MGAT4C: variants seen among roughly 807,000 people sequenced by gnomAD.
MGAT4C encodes the protein MGAT4 family member C.
A neutral mutation model predicts 40.1 loss-of-function variants in MGAT4C; 19 were observed. That is an observed-to-expected ratio of 0.47 (90% confidence interval 0.33 to 0.70). The LOEUF (loss-of-function observed/expected upper bound fraction) is 0.70, where lower values mean the gene tolerates loss of function less well. Among genes scored for constraint, MGAT4C ranks in the 30% least tolerant of loss-of-function variants. The probability of loss-of-function intolerance (pLI) is 0.02; values close to 1 mark genes in which losing one functional copy is unlikely to be tolerated. For synonymous variants in MGAT4C, 181 were observed against 187.1 expected (o/e 0.97, Z 0.27); for missense variants, 491 against 563.2 (o/e 0.87, Z 1.30).
chr12:86,774,499 T>C (rs1259560029), intron 1 of MGAT4C, among the ~76,000 whole-genome samples: 1 of 151,638 alleles, frequency 6.6e-6, no homozygotes, highest in Non-Finnish European at 1.5e-5. Flanking sequence ...ATATTCGATA[T>C]ATTTCTTTGA....
chr12:86,577,406 A>C (rs1477799387), intron 2 of MGAT4C, among the ~76,000 whole-genome samples: 3 of 151,802 alleles, frequency 2.0e-5, no homozygotes, highest in Admixed American at 6.6e-5. Flanking sequence ...AAAAGCTTTC[A>C]GTTTTTCCCC....
intron 1 of MGAT4C, among the ~76,000 whole-genome samples, chr12:86,749,874 G>T (rs552015479): frequency 1.3e-5 from 2 of 151,892 alleles, no homozygotes; most frequent in Admixed American, 1.3e-4. Context: ...TAGGCACTGA[G>T]AATATAGATT....
intron 4 of MGAT4C, among the ~76,000 whole-genome samples, chr12:86,333,709 T>A (rs1368879754): frequency 6.6e-6 from 1 of 152,158 alleles, no homozygotes; most frequent in Non-Finnish European, 1.5e-5. Flanking sequence ...CAGAGATTTT[T>A]AAATTATGTT....
intron 2 of MGAT4C, among the ~76,000 whole-genome samples, chr12:86,594,354 A>G (rs1399426255): frequency 6.6e-6 from 1 of 152,158 alleles, no homozygotes; most frequent in Non-Finnish European, 1.5e-5. Context: ...ATTTAAAAAA[A>G]TAAGTGTTTC....
intron 4 of MGAT4C, among the ~76,000 whole-genome samples, chr12:86,323,964 G>A (rs1205307797): frequency 6.6e-6 from 1 of 151,870 alleles, no homozygotes; most frequent in Non-Finnish European, 1.5e-5. Context: ...TATGGACTAT[G>A]TATTCTTATA....
chr12:86,198,143 T>C (rs990006726), intron 1 of MGAT4C, among the ~76,000 whole-genome samples: 1 of 152,186 alleles, frequency 6.6e-6, no homozygotes, highest in African/African-American at 2.4e-5. Flanking sequence ...TATATTTAAA[T>C]ATGCAGTCTC....
At chr12:86,762,054 C>T (rs1951416457) in intron 1 of MGAT4C, among the ~76,000 whole-genome samples, 1 of 143,518 alleles carries the variant, frequency 7.0e-6, no homozygotes, top group African/African-American at 2.5e-5. Flanking sequence ...ATAGGCTGCA[C>T]TTTTTTTTTT....
chr12:86,213,577 C>A (rs1049462116), intron 1 of MGAT4C, among the ~76,000 whole-genome samples: 2 of 151,984 alleles, frequency 1.3e-5, no homozygotes, highest in African/African-American at 4.8e-5. Flanking sequence ...CAACCACAAT[C>A]ATAATTGTTT....
intron 2 of MGAT4C, among the ~76,000 whole-genome samples, chr12:86,600,883 G>C (rs1194798481): frequency 1.3e-5 from 2 of 152,216 alleles, no homozygotes; most frequent in African/African-American, 4.8e-5. Context: ...AGAAGTTCCT[G>C]TTCCCACTCC....
At chr12:86,006,017 G>A (rs1887837498) in intron 2 of MGAT4C, among the ~76,000 whole-genome samples, 1 of 152,030 alleles carries the variant, frequency 6.6e-6, no homozygotes, top group African/African-American at 2.4e-5. Context: ...TCACCCTCCT[G>A]ACTTGGAGTC....
At chr12:86,132,791 C>CAAAAAA (rs60321690) in intron 1 of MGAT4C, among the ~76,000 whole-genome samples, 391 of 93,208 alleles carry the variant, frequency 4.2e-3, no homozygotes, top group Middle Eastern at 7.2e-3. Flanking sequence ...GACTCCGTCT[C>CAAAAAA]AAAAAAAAAA....
chr12:86,427,425 A>G (rs1565755016), intron 3 of MGAT4C, among the ~76,000 whole-genome samples: 1 of 152,022 alleles, frequency 6.6e-6, no homozygotes, highest in Non-Finnish European at 1.5e-5. Context: ...TCAAAAGGAA[A>G]AGTTAATAAT....
chr12:86,212,891 CAAAAAAAA>C (rs71076172), intron 1 of MGAT4C, among the ~76,000 whole-genome samples: 2 of 22,514 alleles, frequency 8.9e-5, no homozygotes, highest in African/African-American at 1.9e-4. Flanking sequence ...GACTCCGTCT[CAAAAAAAA>C]AAAAAAAAAA....
intron 2 of MGAT4C, among the ~76,000 whole-genome samples, chr12:86,039,051 A>G (rs893786224): frequency 6.7e-6 from 1 of 150,148 alleles, no homozygotes; most frequent in Non-Finnish European, 1.5e-5. Context: ...AGAATGTTGA[A>G]TATTGGCCCC....
At chr12:86,422,526 G>GT (rs1449742416) in intron 3 of MGAT4C, among the ~76,000 whole-genome samples, 2 of 152,150 alleles carry the variant, frequency 1.3e-5, no homozygotes, top group Non-Finnish European at 2.9e-5. Context: ...ATCTCTGGTT[G>GT]TAAGAATGTG....
intron 2 of MGAT4C, among the ~76,000 whole-genome samples, chr12:86,717,414 C>T (rs369674904): frequency 4.6e-5 from 7 of 152,042 alleles, no homozygotes; most frequent in East Asian, 3.9e-4. Flanking sequence ...GTTCCTTTTC[C>T]ATGACTAACA....
At chr12:86,641,866 T>C (rs1414745537) in intron 2 of MGAT4C, among the ~76,000 whole-genome samples, 2 of 151,908 alleles carry the variant, frequency 1.3e-5, no homozygotes, top group East Asian at 3.9e-4. Context: ...AAATAATGTA[T>C]GGAGAAAGAA....
At chr12:85,982,416 T>A (rs1884705807) in intron 4 of MGAT4C, among the ~76,000 whole-genome samples, 1 of 152,188 alleles carries the variant, frequency 6.6e-6, no homozygotes, top group Non-Finnish European at 1.5e-5. Context: ...CTTGAACACC[T>A]GGCCTCAAGT....
intron 2 of MGAT4C, among the ~76,000 whole-genome samples, chr12:86,670,407 C>CA (rs1025872109): frequency 6.6e-6 from 1 of 151,780 alleles, no homozygotes; most frequent in Admixed American, 6.6e-5. Flanking sequence ...AACAAATAAA[C>CA]AAAAAAACTC....
Sources: gnomAD v4.1 joint callset for allele counts (sites outside exome capture counted in the v4.1 genomes callset) on GRCh38, gnomAD v4.1.1 for gene constraint, MANE v1.5 for transcripts, NCBI Gene and HGNC (gene_info 2026-07-23, HGNC 2026-07-21) for gene names.